The following LINGO2 variants were observed in gnomAD, a reference collection of about 807,000 sequenced individuals.
The protein encoded by LINGO2 is leucine rich repeat and Ig domain containing 2.
In LINGO2, 14 loss-of-function variants were observed where a neutral mutation model predicts 30.6. The observed-to-expected ratio is 0.46, with a 90% CI of 0.30 to 0.72. LINGO2 has a LOEUF of 0.72. Ranked by LOEUF, LINGO2 falls within the 30% of genes least tolerant of loss-of-function variation. The pLI is 0.07. For synonymous variants in LINGO2, 317 were observed against 288.5 expected (o/e 1.10, Z -1.00); for missense variants, 729 against 751.7 (o/e 0.97, Z 0.35).
At chr9:28,916,427 C>G in the LINGO2 span, among the ~76,000 whole-genome samples, 1 of 152,170 alleles carries the variant, frequency 6.6e-6, no homozygotes, top group Non-Finnish European at 1.5e-5. Flanking sequence ...CTGAAGCCGG[C>G]TACCTGGAGG....
the LINGO2 span, among the ~76,000 whole-genome samples, chr9:28,933,416 C>T: frequency 6.6e-6 from 1 of 152,342 alleles, no homozygotes; most frequent in Admixed American, 6.5e-5. Flanking sequence ...TCTTTACTAA[C>T]CCAACCATAG....
the LINGO2 span, among the ~76,000 whole-genome samples, chr9:28,837,784 G>T: frequency 6.7e-6 from 1 of 149,214 alleles, no homozygotes; most frequent in Non-Finnish European, 1.5e-5. Context: ...TGGTCCTGCA[G>T]AACATTTCCC....
chr9:28,744,490 C>T, the LINGO2 span, among the ~76,000 whole-genome samples: 3 of 151,806 alleles, frequency 2.0e-5, no homozygotes, highest in Non-Finnish European at 1.5e-5. Context: ...CCATGAAGTT[C>T]TTGCTGTTGT....
At chr9:28,109,951 T>C (rs1826723845) in intron 4 of LINGO2, among the ~76,000 whole-genome samples, 1 of 151,876 alleles carries the variant, frequency 6.6e-6, no homozygotes, top group Non-Finnish European at 1.5e-5. Context: ...ATTCTAAGCA[T>C]AAAGAACAAA....
chr9:28,448,730 G>A (rs912452448), intron 2 of LINGO2, among the ~76,000 whole-genome samples: 1 of 152,054 alleles, frequency 6.6e-6, no homozygotes, highest in Non-Finnish European at 1.5e-5. Context: ...GCTTCTAGGT[G>A]GAAGGAGCAT....
At chr9:28,556,314 C>A (rs981027076) in intron 1 of LINGO2, among the ~76,000 whole-genome samples, 1 of 151,896 alleles carries the variant, frequency 6.6e-6, no homozygotes, top group Non-Finnish European at 1.5e-5. Context: ...GATACAAAAT[C>A]AATGTACAAA....
At chr9:28,384,064 T>C (rs1005973325) in intron 2 of LINGO2, among the ~76,000 whole-genome samples, 7 of 152,112 alleles carry the variant, frequency 4.6e-5, no homozygotes, top group African/African-American at 1.4e-4. Context: ...TGAACATCTA[T>C]AAATATTATA....
chr9:28,816,155 A>T, the LINGO2 span, among the ~76,000 whole-genome samples: 1 of 152,214 alleles, frequency 6.6e-6, no homozygotes, highest in Non-Finnish European at 1.5e-5. Context: ...ATCTATTCAT[A>T]AGGGTGAAGC....
chr9:28,945,505 G>A, the LINGO2 span, among the ~76,000 whole-genome samples: 2 of 152,010 alleles, frequency 1.3e-5, no homozygotes, highest in African/African-American at 4.8e-5. Flanking sequence ...TAATAAAATT[G>A]TTCAATTCTA....
At chr9:28,419,940 A>T (rs1823122635) in intron 2 of LINGO2, among the ~76,000 whole-genome samples, 1 of 152,120 alleles carries the variant, frequency 6.6e-6, no homozygotes, top group Non-Finnish European at 1.5e-5. Flanking sequence ...TGAGAAAATA[A>T]TTGCATGGTA....
the LINGO2 span, among the ~76,000 whole-genome samples, chr9:29,106,843 A>G: frequency 6.6e-6 from 1 of 152,204 alleles, no homozygotes; most frequent in African/African-American, 2.4e-5. Context: ...TGATGAAGGT[A>G]CATAGCTATT....
Position 27,994,428 on chromosome 9 carries a change from A to C in LINGO2, c.-36+17927T>G, listed in dbSNP as rs192740334. ...AGAACCAAATAAGTAAAATTGTTAGAGTAGGCAGATAGGTAGACATGAGCA... is the reference window on the plus strand; with the variant it reads ...AGAACCAAATAAGTAAAATTGTTAGCGTAGGCAGATAGGTAGACATGAGCA... On this transcript the variant is annotated intron_variant, in intron 5 of 5. Transcript: ENST00000379992. Among the ~76,000 whole-genome samples the C allele has an allele frequency of 8.6e-3, 1,309 of 152,284 alleles. 100 individuals carry two copies. In the East Asian group the frequency reaches 0.17, roughly 20 times the overall value.
At chr9:28,066,135 C>G (rs571725915) in intron 4 of LINGO2, among the ~76,000 whole-genome samples, 4 of 152,118 alleles carry the variant, frequency 2.6e-5, no homozygotes, top group Admixed American at 1.3e-4. Flanking sequence ...AACTCAGCAC[C>G]CTGTTACCTT....
Position 27,981,534 on chromosome 9 carries a change from C to CAAAAAAAAAAAAAAA in LINGO2, c.-36+30806_-36+30820dup, listed in dbSNP as rs763284293. Reference sequence around the variant, plus strand: ...ATGAAAGGATAAATGACGAGGATGGCAAAAAAAAAAAAAAAAGAAAAAAAA... The same window carrying CAAAAAAAAAAAAAAA: ...ATGAAAGGATAAATGACGAGGATGGCAAAAAAAAAAAAAAAAAAAAAAAAAAAAAAAGAAAAAAAA... On this transcript the variant is annotated intron_variant, in intron 5 of 5. Coordinates refer to ENST00000379992, the Ensembl canonical transcript of LINGO2. Among the ~76,000 whole-genome samples the CAAAAAAAAAAAAAAA allele has an allele frequency of 3.5e-3, 139 of 39,800 alleles. 5 individuals carry two copies. Among genetic ancestry groups the CAAAAAAAAAAAAAAA allele is most frequent in the Non-Finnish European group, 5.1e-3 (96 of 18,694 alleles). The allele number at this position is 39,800 out of a possible 152,430, so 26.1% of individuals were successfully genotyped here.
At chr9:28,922,113 C>T in the LINGO2 span, among the ~76,000 whole-genome samples, 2 of 152,212 alleles carry the variant, frequency 1.3e-5, no homozygotes, top group African/African-American at 4.8e-5. Context: ...CACATTTCTG[C>T]ATATCCTCTT....
At chr9:28,961,133 G>T in the LINGO2 span, among the ~76,000 whole-genome samples, 3 of 152,110 alleles carry the variant, frequency 2.0e-5, no homozygotes, top group African/African-American at 7.2e-5. Context: ...GTAAGGTTTG[G>T]AATAATTGGA....
upstream of LINGO2, among the ~76,000 whole-genome samples, chr9:28,672,628 A>C (rs1563906878): frequency 6.6e-6 from 1 of 152,158 alleles, no homozygotes; most frequent in Non-Finnish European, 1.5e-5. Flanking sequence ...AATTTGATTA[A>C]AGTGCTTTCT....
At chr9:28,046,968 G>A (rs1205933276) in intron 4 of LINGO2, among the ~76,000 whole-genome samples, 1 of 152,120 alleles carries the variant, frequency 6.6e-6, no homozygotes, top group East Asian at 1.9e-4. Flanking sequence ...AGTGAGATGG[G>A]AGAAAGCATC....
At chr9:28,939,783 G>A in the LINGO2 span, among the ~76,000 whole-genome samples, 2 of 152,120 alleles carry the variant, frequency 1.3e-5, no homozygotes, top group Non-Finnish European at 2.9e-5. Context: ...ATGAGTGAAT[G>A]AATGACTGCA....
Sources: gnomAD v4.1 joint callset for allele counts (sites outside exome capture counted in the v4.1 genomes callset) on GRCh38, gnomAD v4.1.1 for gene constraint, MANE v1.5 for transcripts, NCBI Gene and HGNC (gene_info 2026-07-23, HGNC 2026-07-21) for gene names.